Variants in ENPP2 observed in about 807,000 individuals in gnomAD.
ENPP2 encodes the protein ectonucleotide pyrophosphatase/phosphodiesterase 2.
ENPP2 carries 51 observed loss-of-function variants against 120.2 expected under a neutral mutation model. That is an observed-to-expected ratio of 0.42 (90% CI 0.34 to 0.54). The LOEUF is 0.54. Ranked by LOEUF, ENPP2 falls within the 20% of genes least tolerant of loss-of-function variation. The pLI is 0.04. For missense variants in ENPP2, 920 were observed against 1,066.5 expected (o/e 0.86, Z 1.91); for synonymous variants, 365 against 366.4 (o/e 1.00, Z 0.04).
chr8:119,557,694 G>T lies in ENPP2; in HGVS notation c.2422-3C>A. ...CATTTTGATTCGTCCTCTGAGCTCTGCAATGGAAACAGAACAAAATCAGAA... is the reference window on the plus strand; with the variant it reads ...CATTTTGATTCGTCCTCTGAGCTCTTCAATGGAAACAGAACAAAATCAGAA... On this transcript the variant is annotated splice_polypyrimidine_tract_variant and splice_region_variant and intron_variant, in intron 24 of 24. Coordinates refer to ENST00000075322, the MANE Select transcript of ENPP2 (RefSeq NM_001040092.3). 1 of 1,544,790 alleles carries T rather than the reference G, an allele frequency of 6.5e-7. No individual in the cohort carries two copies. The highest frequency in any genetic ancestry group is 8.7e-7 in the Non-Finnish European group (1 of 1,153,196).
intron 18 of ENPP2, among the ~76,000 whole-genome samples, chr8:119,582,143 G>A (rs1328323149): frequency 6.6e-6 from 1 of 152,216 alleles, no homozygotes; most frequent in Non-Finnish European, 1.5e-5. Flanking sequence ...TTTTGGTTGA[G>A]AACTGTGACT....
chr8:119,603,112 A>G (rs991102231), intron 9 of ENPP2, among the ~76,000 whole-genome samples: 2 of 152,244 alleles, frequency 1.3e-5, no homozygotes, highest in Non-Finnish European at 2.9e-5. Flanking sequence ...CTATAATTGA[A>G]TTAGAAATAG....
chr8:119,614,815 A>G (rs1160712965), intron 8 of ENPP2, among the ~76,000 whole-genome samples: 1 of 152,144 alleles, frequency 6.6e-6, no homozygotes, highest in African/African-American at 2.4e-5. Context: ...TTCCCCTATC[A>G]TAAACTTTGA....
At chr8:119,559,282 A>C (rs989857194) in intron 24 of ENPP2, among the ~76,000 whole-genome samples, 1 of 151,956 alleles carries the variant, frequency 6.6e-6, no homozygotes, top group African/African-American at 2.4e-5. Flanking sequence ...TTTTGAGAGA[A>C]TTTTCATATT....
At position 119,626,660 on chromosome 8, in the gene ENPP2, A is replaced by C. The variant is rs1259749953; in HGVS notation, c.197T>G (p.Leu66Arg). The change falls in exon 3 of 25, where the codon CTT becomes CGT. Residue 66 changes from leucine (L) to arginine (R), a missense_variant. Coordinates refer to ENST00000075322, the MANE Select transcript of ENPP2 (RefSeq NM_001040092.3). ...ACAATCAGGAGGTCCAGCCTCTTGA[A>C]GTTCAAAGCACCTGCCCTTGCAAGA... ...SGSCKGRCFELQEAGPPDCRC... is the reference protein window; with the variant it reads ...SGSCKGRCFERQEAGPPDCRC... The C allele has an allele frequency of 1.9e-6, 3 of 1,614,062 alleles. No individual in the cohort carries two copies. The highest frequency in any genetic ancestry group is 2.5e-6 in the Non-Finnish European group (3 of 1,179,908).
At position 119,557,312 on chromosome 8, in the gene ENPP2, G is replaced by T; in HGVS notation, c.*209C>A. 2.0e-6 allele frequency: 1 copy of T among 494,454 alleles called. No homozygotes were observed. The highest frequency in any genetic ancestry group is 3.6e-6 in the Non-Finnish European group (1 of 281,682). 30.6% of individuals were successfully genotyped at this position (494,454 alleles called of 1,614,324 possible). ...GCTTCCACTAAAAACTCAAGCTGCA[G>T]TATTTATTACAAGCTCTACTCAGAA... On this transcript the variant is annotated 3_prime_UTR_variant, in exon 25 of 25. Coordinates refer to ENST00000075322, the MANE Select transcript of ENPP2 (RefSeq NM_001040092.3).
chr8:119,634,191 A>AATACATACATAC (rs5894490), intron 2 of ENPP2, among the ~76,000 whole-genome samples: 17 of 147,606 alleles, frequency 1.2e-4, no homozygotes, highest in South Asian at 2.2e-4. Flanking sequence ...TCAAAAAATA[A>AATACATACATAC]ATACATACAT....
chr8:119,643,630 T>C (rs913481462), upstream of ENPP2, among the ~76,000 whole-genome samples: 1 of 152,214 alleles, frequency 6.6e-6, no homozygotes, highest in African/African-American at 2.4e-5. Flanking sequence ...TTCATTAGCT[T>C]CTACAAGGTA....
intron 11 of ENPP2, among the ~76,000 whole-genome samples, chr8:119,596,765 G>A (rs1421644688): frequency 2.0e-5 from 3 of 152,184 alleles, no homozygotes; most frequent in South Asian, 2.1e-4. Flanking sequence ...TACAGACCAA[G>A]AAAGAGTCTC....
At chr8:119,661,866 C>T (rs181521876) in intron 1 of ENPP2, among the ~76,000 whole-genome samples, 6 of 152,136 alleles carry the variant, frequency 3.9e-5, no homozygotes, top group Admixed American at 2.6e-4. Context: ...CTGTCATTTG[C>T]GACAATCTGG....
intron 1 of ENPP2, among the ~76,000 whole-genome samples, chr8:119,670,139 A>G (rs575794563): frequency 6.6e-6 from 1 of 152,284 alleles, no homozygotes; most frequent in Admixed American, 6.5e-5. Flanking sequence ...AAAACTGCAA[A>G]AGGCCTTTCT....
intron 11 of ENPP2, among the ~76,000 whole-genome samples, 166 bp downstream of exon 11, chr8:119,600,512 G>T (rs1048235474): frequency 6.6e-6 from 1 of 152,154 alleles, no homozygotes; most frequent in African/African-American, 2.4e-5. Flanking sequence ...GAAACAGGTC[G>T]TTTTAAGATT....
chr8:119,626,470 A>G, intron 3 of ENPP2, 95 bp downstream of exon 3: 2 of 891,226 alleles, frequency 2.2e-6, no homozygotes, highest in South Asian at 1.6e-5. Flanking sequence ...CAGTTTGGAT[A>G]GACCAAAGCA....
intron 20 of ENPP2, among the ~76,000 whole-genome samples, chr8:119,569,738 T>TTGTGTGTGTG (rs754303358): frequency 0.072 from 6,555 of 90,750 alleles, 195 homozygotes; most frequent in East Asian, 0.14. Context: ...AATAGACTAT[T>TTGTGTGTGTG]TATCTGTGTG....
At chr8:119,601,362 T>C (rs1231829296) in intron 10 of ENPP2, 35 bp downstream of exon 10, 5 of 1,354,312 alleles carry the variant, frequency 3.7e-6, no homozygotes, top group Non-Finnish European at 5.3e-6. Context: ...AAGATAGAAA[T>C]GTACTGAAGA....
At chr8:119,626,527 A>G (rs1394942211) in intron 3 of ENPP2, 38 bp downstream of exon 3, 2 of 1,577,996 alleles carry the variant, frequency 1.3e-6, no homozygotes, top group Admixed American at 1.7e-5. Flanking sequence ...TCTTTAAGCC[A>G]TCTACTTGAA....
chr8:119,670,314 CTA>C (rs1235750510), intron 1 of ENPP2, among the ~76,000 whole-genome samples: 1 of 152,200 alleles, frequency 6.6e-6, no homozygotes, highest in Non-Finnish European at 1.5e-5. Context: ...AAGTAGAAAA[CTA>C]TGTTTTCCCT....
intron 16 of ENPP2, 30 bp downstream of exon 16, chr8:119,583,932 C>G: frequency 6.4e-7 from 1 of 1,559,026 alleles, no homozygotes. Context: ...CACTAAAACA[C>G]AATTTCAATT....
intron 1 of ENPP2, among the ~76,000 whole-genome samples, chr8:119,652,302 T>C (rs551585207): frequency 4.1e-4 from 62 of 152,242 alleles, no homozygotes; most frequent in African/African-American, 1.4e-3. Context: ...CCTTATATCA[T>C]CACCTTGGGA....
Sources: gnomAD v4.1 joint callset for allele counts (sites outside exome capture counted in the v4.1 genomes callset) on GRCh38, gnomAD v4.1.1 for gene constraint, MANE v1.5 for transcripts, NCBI Gene and HGNC (gene_info 2026-07-23, HGNC 2026-07-21) for gene names.